The following ADCY10 variants were observed in gnomAD, a reference collection of about 807,000 sequenced individuals.
ADCY10 encodes the protein adenylate cyclase type 10.
A neutral mutation model predicts 183.3 loss-of-function variants in ADCY10; 156 were observed. The ratio of observed to expected loss-of-function variants is 0.85; its 90% confidence interval spans 0.75 to 0.97. The LOEUF (loss-of-function observed/expected upper bound fraction) is 0.97. Ranked by LOEUF, ADCY10 falls within the 50% of genes least tolerant of loss-of-function variation. The pLI is 0.00. For missense variants in ADCY10, 1,745 were observed against 1,934.3 expected, an observed-to-expected ratio of 0.90 and a Z score of 1.84; for synonymous variants, 645 against 670.0, an observed-to-expected ratio of 0.96 and a Z score of 0.58.
intron 19 of ADCY10, among the ~76,000 whole-genome samples, chr1:167,847,957 AACAG>A (rs1307801387): frequency 1.3e-5 from 2 of 152,250 alleles, no homozygotes; most frequent in Non-Finnish European, 2.9e-5. Flanking sequence ...GTACAGAGCA[AACAG>A]ACAAACAACC....
At chr1:167,832,652 C>G (rs1218181641) in intron 25 of ADCY10, among the ~76,000 whole-genome samples, 1 of 151,666 alleles carries the variant, frequency 6.6e-6, no homozygotes, top group Non-Finnish European at 1.5e-5. Flanking sequence ...GTCCCAGGAG[C>G]AGTGGTGCAG....
At chr1:167,894,406 G>C (rs1239558495) in intron 7 of ADCY10, among the ~76,000 whole-genome samples, 2 of 152,106 alleles carry the variant, frequency 1.3e-5, no homozygotes, top group African/African-American at 4.8e-5. Context: ...AAGTCACTTT[G>C]CTGCCCTGGT....
chr1:167,899,801 C>T (rs1001840474), intron 5 of ADCY10, among the ~76,000 whole-genome samples, 173 bp from the exon 6 acceptor site: 6 of 152,148 alleles, frequency 3.9e-5, no homozygotes, highest in African/African-American at 1.4e-4. Context: ...TCGGGCCTTC[C>T]AAAGCTCCCC....
At chr1:167,888,811 G>T (rs1450574216) in intron 8 of ADCY10, among the ~76,000 whole-genome samples, 1 of 150,094 alleles carries the variant, frequency 6.7e-6, no homozygotes, top group Admixed American at 6.7e-5. Flanking sequence ...GGGAGGCGGA[G>T]CGTGCAGTGA....
chr1:167,901,920 C>T (rs1669455321), intron 4 of ADCY10, 96 bp downstream of exon 4: 1 of 1,605,540 alleles, frequency 6.2e-7, no homozygotes, highest in African/African-American at 1.3e-5. Context: ...CTCCTGGCCA[C>T]TCCCTTCTCT....
chr1:167,892,318 T>C (rs1440447331), intron 8 of ADCY10, among the ~76,000 whole-genome samples: 3 of 152,222 alleles, frequency 2.0e-5, no homozygotes, highest in Non-Finnish European at 2.9e-5. Context: ...TGTCAGACTA[T>C]GTATTCTGAG....
At chr1:167,841,033 C>T (rs1664596522) in intron 21 of ADCY10, among the ~76,000 whole-genome samples, 1 of 151,486 alleles carries the variant, frequency 6.6e-6, no homozygotes, top group Admixed American at 6.6e-5. Flanking sequence ...CTCAACCTCC[C>T]TGGCTCAAAT....
rs1445242267 is a variant in ADCY10 at position 167,833,902 on chromosome 1, GACTTCT to G, written c.3417+62_3417+67del. ...AGGAGGGTGTAGAAAGTATAGGGAT[GACTTCT>G]ACTTCTATGGAAAGGCCTAAGATAT... On this transcript the variant is annotated intron_variant, in intron 24 of 32. Coordinates refer to ENST00000367851, the MANE Select transcript of ADCY10 (RefSeq NM_018417.6). 4.1e-6 allele frequency: 5 copies of G among 1,211,284 alleles called. No individual in the cohort carries two copies. The African/African-American group carries it at 4.5e-5, about 11-fold the overall frequency. The allele number at this position is 1,211,284 out of a possible 1,614,324, so 75.0% of individuals were successfully genotyped here.
At chr1:167,883,281 G>A (rs748030018) in intron 9 of ADCY10, among the ~76,000 whole-genome samples, 156 bp downstream of exon 9, 3 of 152,120 alleles carry the variant, frequency 2.0e-5, no homozygotes, top group Admixed American at 2.0e-4. Flanking sequence ...CAAGTGATCC[G>A]CCCACCTCTG....
chr1:167,885,446 C>G (rs79690448), intron 8 of ADCY10, among the ~76,000 whole-genome samples: 1 of 152,076 alleles, frequency 6.6e-6, no homozygotes, highest in African/African-American at 2.4e-5. Flanking sequence ...TCCTGTCCAG[C>G]GTTTGTTATT....
At chr1:167,822,954 C>T in intron 29 of ADCY10, 54 bp downstream of exon 29, 1 of 1,493,826 alleles carries the variant, frequency 6.7e-7, no homozygotes, top group African/African-American at 1.4e-5. Flanking sequence ...CCACACCACA[C>T]CAGCACAGGT....
chr1:167,822,271 C>T, intron 29 of ADCY10, 130 bp from the exon 30 acceptor site: 2 of 763,250 alleles, frequency 2.6e-6, no homozygotes, highest in South Asian at 2.8e-5. Context: ...TCCAGAGGGT[C>T]CCGTGGATTG....
chr1:167,902,178 C>A (rs1483365742), intron 3 of ADCY10, 124 bp from the exon 4 acceptor site: 26 of 966,888 alleles, frequency 2.7e-5, no homozygotes, highest in Non-Finnish European at 4.0e-5. Context: ...TAGGCTTATA[C>A]TAAAGATCTC....
chr1:167,835,280 C>G (rs973214393), intron 23 of ADCY10, among the ~76,000 whole-genome samples: 1 of 152,192 alleles, frequency 6.6e-6, no homozygotes, highest in Non-Finnish European at 1.5e-5. Context: ...CCTAGCCTGG[C>G]CTTTACCCTT....
At chr1:167,868,991 A>G (rs1666894697) in intron 14 of ADCY10, among the ~76,000 whole-genome samples, 1 of 152,224 alleles carries the variant, frequency 6.6e-6, no homozygotes, top group African/African-American at 2.4e-5. Context: ...GACTACTTCT[A>G]GCAGCTGAAA....
At chr1:167,834,939 C>G (rs987136151) in intron 23 of ADCY10, among the ~76,000 whole-genome samples, 1 of 152,248 alleles carries the variant, frequency 6.6e-6, no homozygotes, top group South Asian at 2.1e-4. Context: ...ACATCCCCAT[C>G]ATCACCTCGA....
At chr1:167,834,594 C>G (rs1664051592) in intron 23 of ADCY10, 1 of 205,240 alleles carries the variant, frequency 4.9e-6, no homozygotes, top group Non-Finnish European at 1.0e-5. Context: ...AGCTTCACCT[C>G]CCAACATCAT....
chr1:167,899,252 C>T (rs901246092), intron 6 of ADCY10, among the ~76,000 whole-genome samples, 171 bp downstream of exon 6: 15 of 152,234 alleles, frequency 9.9e-5, no homozygotes, highest in Non-Finnish European at 1.8e-4. Context: ...GCCTGGGCTC[C>T]TCCCAGAGGA....
intron 30 of ADCY10, among the ~76,000 whole-genome samples, chr1:167,819,623 C>T (rs1662755779): frequency 1.3e-5 from 2 of 152,092 alleles, no homozygotes; most frequent in African/African-American, 4.8e-5. Flanking sequence ...AGTGCAATGG[C>T]GCGATCTTGG....
Sources: gnomAD v4.1 joint callset for allele counts (sites outside exome capture counted in the v4.1 genomes callset) on GRCh38, gnomAD v4.1.1 for gene constraint, MANE v1.5 for transcripts, NCBI Gene and HGNC (gene_info 2026-07-23, HGNC 2026-07-21) for gene names.